The following CCDC178 variants were observed in gnomAD, a reference collection of about 807,000 sequenced individuals.
CCDC178 encodes coiled-coil domain-containing protein 178.
CCDC178 carries 126 observed loss-of-function variants against 117.4 expected under a neutral mutation model. That is an observed-to-expected ratio of 1.07 (90% CI 0.93 to 1.24). The LOEUF (loss-of-function observed/expected upper bound fraction) is 1.24, where lower values mean the gene tolerates loss of function less well. Among genes scored for constraint, CCDC178 ranks in the 50% most tolerant of loss-of-function variants. The pLI is 0.00. For synonymous variants in CCDC178, 283 were observed against 313.4 expected (o/e 0.90, Z 1.02); for missense variants, 1,030 against 986.9 (o/e 1.04, Z -0.59).
chr18:33,062,802 A>C (rs1428167455), intron 21 of CCDC178, among the ~76,000 whole-genome samples: 1 of 152,124 alleles, frequency 6.6e-6, no homozygotes, highest in Admixed American at 6.5e-5. Context: ...CCCTGAGGCC[A>C]CACAGTCCCT....
At chr18:33,434,037 T>C (rs1418702896) in intron 2 of CCDC178, among the ~76,000 whole-genome samples, 1 of 152,118 alleles carries the variant, frequency 6.6e-6, no homozygotes, top group Non-Finnish European at 1.5e-5. Flanking sequence ...TAATATTCAG[T>C]AAAGAAATCA....
chr18:33,118,240 C>T (rs2057887005), intron 20 of CCDC178, among the ~76,000 whole-genome samples: 1 of 151,926 alleles, frequency 6.6e-6, no homozygotes, highest in Non-Finnish European at 1.5e-5. Flanking sequence ...GGCAATGCCT[C>T]CTAGTTGGGG....
chr18:33,015,509 G>A (rs2055966813), intron 21 of CCDC178, among the ~76,000 whole-genome samples: 1 of 152,018 alleles, frequency 6.6e-6, no homozygotes, highest in Admixed American at 6.6e-5. Context: ...AGCTTGCAGT[G>A]AGCCGAGATC....
At chr18:33,134,964 C>T (rs556844663) in intron 20 of CCDC178, among the ~76,000 whole-genome samples, 3 of 151,574 alleles carry the variant, frequency 2.0e-5, no homozygotes, top group Non-Finnish European at 4.4e-5. Context: ...TTCTGTATTT[C>T]ATTGGACCTA....
chr18:33,333,348 A>C lies in CCDC178; in HGVS notation c.705T>G (p.Leu235=), dbSNP rs771725640. Residue 235 remains leucine, a synonymous_variant, in exon 10 of 23, where the codon CTT becomes CTG. Coordinates refer to ENST00000383096, the MANE Select transcript of CCDC178 (RefSeq NM_001105528.4). ...LSDVIELQWH[L]EDKANQLQHF... is the part of the protein sequence containing the mutation. ...GTTGTAGTTGATTAGCTTTATCTTC[A>C]AGATGCCATTGTAATTCTATAACAT... The C allele has an allele frequency of 6.2e-7, 1 of 1,611,878 alleles. No homozygotes were observed. The highest frequency in any genetic ancestry group is 1.1e-5 in the South Asian group (1 of 90,958).
rs754219224 is a variant in CCDC178 at position 32,974,662 on chromosome 18, C to A, written c.2408G>T (p.Arg803Met). The A allele has an allele frequency of 1.9e-6, 3 of 1,613,170 alleles. No homozygotes were observed. The highest frequency in any genetic ancestry group is 2.5e-6 in the Non-Finnish European group (3 of 1,179,804). ...DKKQLCQLQR[R>M]MHTLWQEHFK... is the part of the protein sequence containing the mutation. ...GTGCTCCTGCCACAGTGTGTGCATC[C>A]TTCTCTGCAGCTGACAGAGCTAAAG... The change falls in exon 22 of 23, where the codon AGG (arginine) becomes ATG (methionine). Residue 803 changes from arginine (R) to methionine (M), a missense_variant. Arg to Met is a moderately conservative substitution (Grantham distance 91, BLOSUM62 -1). Coordinates refer to ENST00000383096, the MANE Select transcript of CCDC178 (RefSeq NM_001105528.4).
At chr18:33,234,883 G>A (rs72949130) in intron 15 of CCDC178, among the ~76,000 whole-genome samples, 7,077 of 152,152 alleles carry the variant, frequency 0.047, 237 homozygotes, top group East Asian at 0.12. Flanking sequence ...TTAATAGAAT[G>A]TTCATTTTAT....
intron 20 of CCDC178, among the ~76,000 whole-genome samples, chr18:33,171,033 T>C (rs2058593103): frequency 6.6e-6 from 1 of 152,238 alleles, no homozygotes; most frequent in Admixed American, 6.5e-5. Context: ...ATTTTGCATA[T>C]AGAGAATCTG....
chr18:33,324,163 T>G (rs987096855), intron 10 of CCDC178, among the ~76,000 whole-genome samples: 2 of 151,918 alleles, frequency 1.3e-5, no homozygotes, highest in African/African-American at 4.8e-5. Context: ...ATCATACTAA[T>G]GCTCATGTCT....
intron 3 of CCDC178, among the ~76,000 whole-genome samples, chr18:33,410,015 T>G (rs2063829856): frequency 1.3e-5 from 2 of 152,230 alleles, no homozygotes; most frequent in South Asian, 4.1e-4. Context: ...ATATGTAGTT[T>G]TATCTGCTAT....
intron 22 of CCDC178, among the ~76,000 whole-genome samples, chr18:32,958,970 C>A (rs1265711699): frequency 6.6e-6 from 1 of 152,170 alleles, no homozygotes; most frequent in Non-Finnish European, 1.5e-5. Flanking sequence ...GGACCCGTAA[C>A]TCAGCTCTCT....
At chr18:33,015,560 G>A (rs763950788) in intron 21 of CCDC178, among the ~76,000 whole-genome samples, 33 of 150,578 alleles carry the variant, frequency 2.2e-4, no homozygotes, top group Non-Finnish European at 4.0e-4. Flanking sequence ...GCGAGACTCC[G>A]TCTCAAAAAC....
At chr18:33,314,196 G>C (rs1490611685) in intron 11 of CCDC178, among the ~76,000 whole-genome samples, 1 of 66,692 alleles carries the variant, frequency 1.5e-5, no homozygotes, top group African/African-American at 6.4e-5. Flanking sequence ...GCGAGACTCC[G>C]TCTCAAAAAA....
intron 18 of CCDC178, among the ~76,000 whole-genome samples, chr18:33,217,896 T>C (rs1001478034): frequency 6.6e-6 from 1 of 152,022 alleles, no homozygotes; most frequent in African/African-American, 2.4e-5. Flanking sequence ...TGTGAACCTG[T>C]ACAAGTTAAT....
chr18:33,404,240 T>C (rs568510377), intron 3 of CCDC178, among the ~76,000 whole-genome samples: 4 of 152,210 alleles, frequency 2.6e-5, no homozygotes, highest in South Asian at 4.1e-4. Flanking sequence ...CTTTAACAAA[T>C]ACACAACACT....
chr18:32,991,911 G>A (rs1444332815), intron 21 of CCDC178, among the ~76,000 whole-genome samples: 1 of 151,968 alleles, frequency 6.6e-6, no homozygotes, highest in South Asian at 2.1e-4. Flanking sequence ...TTTACCTAAG[G>A]GATTATATCT....
chr18:33,174,619 TA>T (rs1404971736), intron 20 of CCDC178, among the ~76,000 whole-genome samples: 6 of 152,144 alleles, frequency 3.9e-5, no homozygotes, highest in Non-Finnish European at 8.8e-5. Context: ...CACCTGAGGA[TA>T]AGACAAATCC....
intron 21 of CCDC178, among the ~76,000 whole-genome samples, chr18:32,993,088 C>T (rs566956657): frequency 1.3e-5 from 2 of 152,156 alleles, no homozygotes; most frequent in South Asian, 4.1e-4. Flanking sequence ...ATTGCTTGAA[C>T]CCGGGAGGCA....
intron 20 of CCDC178, among the ~76,000 whole-genome samples, chr18:33,211,152 TTGAA>T (rs2059104056): frequency 6.6e-6 from 1 of 151,846 alleles, no homozygotes; most frequent in Non-Finnish European, 1.5e-5. Flanking sequence ...TACATATACT[TTGAA>T]AACTTTCACA....
Sources: gnomAD v4.1 joint callset for allele counts (sites outside exome capture counted in the v4.1 genomes callset) on GRCh38, gnomAD v4.1.1 for gene constraint, MANE v1.5 for transcripts, NCBI Gene and HGNC (gene_info 2026-07-23, HGNC 2026-07-21) for gene names.